GZF1: variants seen among roughly 807,000 people sequenced by gnomAD.
GZF1 encodes the protein GDNF-inducible zinc finger protein 1.
Under a neutral mutation model 49.4 loss-of-function variants are expected in GZF1, and 28 were observed. That is an observed-to-expected ratio of 0.57 (90% confidence interval 0.42 to 0.78). The LOEUF (loss-of-function observed/expected upper bound fraction) is 0.78, where lower values mean the gene tolerates loss of function less well. GZF1 is among the 30% of genes least tolerant of loss of function. GZF1 has a pLI of 0.00. For synonymous variants in GZF1, 364 were observed against 356.0 expected (o/e 1.02, Z -0.25); for missense variants, 798 against 916.2 (o/e 0.87, Z 1.67).
chr20:23,369,953 C>G, intron 5 of GZF1, 138 bp from the exon 6 acceptor site: 1 of 892,870 alleles, frequency 1.1e-6, no homozygotes, highest in Non-Finnish European at 1.7e-6. Context: ...GATGACTACT[C>G]TGTAACAGTG....
chr20:23,371,621 G>A lies in GZF1; in HGVS notation c.*1180G>A, dbSNP rs558603575. ...AAATTCACAATGAAAAGACGATTCT[G>A]CTGTATTTGTTAAACGTTGACATTT... On this transcript the variant is annotated 3_prime_UTR_variant, in exon 6 of 6. Transcript: ENST00000338121. The A allele has an allele frequency of 6.5e-6, 1 of 152,772 alleles. No homozygotes were observed. The highest frequency in any genetic ancestry group is 1.9e-4 in the East Asian group (1 of 5,190). The allele number at this position is 152,772 out of a possible 1,614,324, so 9.5% of individuals were successfully genotyped here.
chr20:23,361,372 G>T (rs967920992), upstream of GZF1, among the ~76,000 whole-genome samples: 1 of 152,262 alleles, frequency 6.6e-6, no homozygotes, highest in Non-Finnish European at 1.5e-5. Context: ...GAAACAGCAA[G>T]ATTTCGAGGA....
upstream of GZF1, among the ~76,000 whole-genome samples, chr20:23,361,336 TAG>T (rs1206341259): frequency 6.6e-6 from 1 of 152,172 alleles, no homozygotes; most frequent in Non-Finnish European, 1.5e-5. Context: ...AAGCGGGCTT[TAG>T]TTAGTATTGA....
chr20:23,367,965 C>T (rs1390330167), intron 3 of GZF1, among the ~76,000 whole-genome samples: 1 of 152,208 alleles, frequency 6.6e-6, no homozygotes, highest in Non-Finnish European at 1.5e-5. Flanking sequence ...GTCTCTGACT[C>T]ATTAGACACC....
In GZF1 at chr20:23,365,254, T is replaced by C. The variant is rs1981175422; in HGVS notation, c.871T>C (p.Leu291=). 3.7e-6 allele frequency: 6 copies of C among 1,604,186 alleles called. No individual in the cohort carries two copies. The highest frequency in any genetic ancestry group is 5.1e-6 in the Non-Finnish European group (6 of 1,174,952). The change falls in exon 2 of 6, where the codon TTG becomes CTG. Residue 291 remains leucine, a synonymous_variant. Coordinates refer to ENST00000338121, the MANE Select transcript of GZF1 (RefSeq NM_022482.5). ...CCAGGCAGGTGCTGAGTTGGAGGAA[T>C]TGTCAAAGAAAGCAGGGCCGGAGGA... ...GCQAGAELEE[L]SKKAGPEEEE...
rs1007611040 is a variant in GZF1 at position 23,372,381 on chromosome 20, TTTATTTCA to T, written c.*1942_*1949del. 7.9e-5 allele frequency: 12 copies of T among 152,204 alleles called. No homozygotes were observed. The highest frequency in any genetic ancestry group is 2.9e-4 in the African/African-American group (12 of 41,448). 9.4% of individuals were successfully genotyped at this position (152,204 alleles called of 1,614,324 possible). On this transcript the variant is annotated 3_prime_UTR_variant, in exon 6 of 6. Coordinates refer to ENST00000338121, the MANE Select transcript of GZF1 (RefSeq NM_022482.5). ...AATGTAAAATCCGGGTCCATAAGCC[TTTATTTCA>T]TACAGTCCTAGGATTAAGCTGTTTA...
Position 23,370,916 on chromosome 20 carries a change from A to G in GZF1, c.*475A>G, listed in dbSNP as rs572743292. 6.4e-6 allele frequency: 1 copy of G among 155,516 alleles called. No individual in the cohort carries two copies. Among genetic ancestry groups the G allele is most frequent in the East Asian group, 1.9e-4 (1 of 5,204 alleles). 9.6% of individuals were successfully genotyped at this position (155,516 alleles called of 1,614,324 possible). A position where few individuals can be genotyped will look rare whatever the true frequency, so the allele number is the denominator to read the frequency against. On this transcript the variant is annotated 3_prime_UTR_variant, in exon 6 of 6. Coordinates refer to ENST00000338121, the MANE Select transcript of GZF1 (RefSeq NM_022482.5). ...CAAGCTGAAATAAAACTGGGGCCAC[A>G]TATTTTCAGTCATTTCTTCCCTGTT...
chr20:23,367,224 A>G, intron 3 of GZF1, 127 bp downstream of exon 3: 1 of 654,854 alleles, frequency 1.5e-6, no homozygotes, highest in Non-Finnish European at 2.7e-6. Context: ...TTTTCCATCT[A>G]GTAAGTGAGC....
chr20:23,365,397 C>T lies in GZF1; in HGVS notation c.1014C>T (p.His338=), dbSNP rs1472950732. ...YEKSFLKHSK[H]RHGVATEVVY... ...AGAGCTTCCTGAAGCACAGCAAGCACCGCCACGGCGTGGCCACCGAGGTGG... is the reference window on the plus strand; with the variant it reads ...AGAGCTTCCTGAAGCACAGCAAGCATCGCCACGGCGTGGCCACCGAGGTGG... Residue 338 remains histidine (H), a synonymous_variant, in exon 2 of 6, where the codon CAC becomes CAT. Transcript: ENST00000338121. The T allele has an allele frequency of 6.2e-7, 1 of 1,613,820 alleles. No homozygotes were observed. The highest frequency in any genetic ancestry group is 8.5e-7 in the Non-Finnish European group (1 of 1,179,976).
In GZF1 at chr20:23,365,496, C is replaced by T; in HGVS notation, c.1113C>T (p.His371=). The change falls in exon 2 of 6, where the codon CAC becomes CAT. Residue 371 remains histidine, a synonymous_variant. Transcript: ENST00000338121. ...TGAAGAGCCACCAGCGCCACGTGCA[C>T]AGCAGCGAGCGCCATTTCCCATGCG... ...CNLKSHQRHV[H]SSERHFPCEL... The T allele has an allele frequency of 6.2e-7, 1 of 1,613,842 alleles. No individual in the cohort carries two copies. Among genetic ancestry groups the T allele is most frequent in the South Asian group, 1.1e-5 (1 of 91,080 alleles).
chr20:23,367,081 TA>T lies in GZF1; in HGVS notation c.1447del (p.Arg483GlyfsTer24). 1 of 1,608,910 alleles carries T rather than the reference TA, an allele frequency of 6.2e-7. No individual in the cohort carries two copies. On this transcript the variant is annotated frameshift_variant, in exon 3 of 6. Coordinates refer to ENST00000338121, the MANE Select transcript of GZF1 (RefSeq NM_022482.5). LOFTEE classifies it high-confidence loss of function. ...CTCAGAACCACATGCTGATTTATCA[TA>T]AAAGGTGTCACACAGGTAAATACTC... Reference protein sequence around the residue: ...FTQNHMLIYHKRCHTGERPFM... With the variant: ...FTQNHMLIYHXRCHTGERPFM...
At chr20:23,361,590 A>AGCGCC (rs1980664689), upstream of GZF1, among the ~76,000 whole-genome samples, 1 of 151,018 alleles carries the variant, frequency 6.6e-6, no homozygotes, top group South Asian at 2.1e-4. Flanking sequence ...CCCAGAGGAG[A>AGCGCC]GCGCCGCGCC....
chr20:23,365,984 C>T (rs554169121), intron 2 of GZF1, among the ~76,000 whole-genome samples: 95 of 152,354 alleles, frequency 6.2e-4, no homozygotes, highest in African/African-American at 2.1e-3. Context: ...CTGGTGGGAC[C>T]GCGACAGCGG....
rs1226785914 is a variant in GZF1 at position 23,364,647 on chromosome 20, T to C, written c.264T>C (p.Ala88=). The part of the protein sequence containing the change: ...YLNEVQVADF[A]SFLEFVYTAK... ...ATGAAGTGCAGGTTGCTGACTTTGC[T>C]TCATTTCTTGAGTTTGTCTACACTG... is the stretch of plus-strand genomic sequence containing the variant. Residue 88 remains alanine, a synonymous_variant, in exon 2 of 6, where the codon GCT becomes GCC. Transcript: ENST00000338121. The C allele has an allele frequency of 1.9e-6, 3 of 1,614,150 alleles. No individual in the cohort carries two copies. The highest frequency in any genetic ancestry group is 1.7e-5 in the Admixed American group (1 of 60,014).
At position 23,364,354 on chromosome 20, in the gene GZF1, T is replaced by C. The variant is rs775150641; in HGVS notation, c.-21-9T>C. 1.3e-6 allele frequency: 2 copies of C among 1,502,572 alleles called. No individual in the cohort carries two copies. Among genetic ancestry groups the C allele is most frequent in the East Asian group, 4.5e-5 (2 of 44,094 alleles). 93.1% of individuals were successfully genotyped at this position (1,502,572 alleles called of 1,614,324 possible). A position where few individuals can be genotyped will look rare whatever the true frequency, so the allele number is the denominator to read the frequency against. On this transcript the variant is annotated splice_polypyrimidine_tract_variant and intron_variant, in intron 1 of 5. Transcript: ENST00000338121. Reference sequence around the variant, plus strand: ...TTGCTCATGCATAATTCTTGTTTCTTTTTCAAAGCTGTTTTTGGAAGGAAG... The same window carrying C: ...TTGCTCATGCATAATTCTTGTTTCTCTTTCAAAGCTGTTTTTGGAAGGAAG...
At chr20:23,367,259 G>A (rs147546118) in intron 3 of GZF1, among the ~76,000 whole-genome samples, 162 bp downstream of exon 3, 1 of 152,186 alleles carries the variant, frequency 6.6e-6, no homozygotes, top group Non-Finnish European at 1.5e-5. Flanking sequence ...TACACCCATT[G>A]CCTTGTTGCT....
Position 23,365,855 on chromosome 20 carries a change from C to T in GZF1, c.1364+108C>T, listed in dbSNP as rs6083091. 45,135 of 1,406,016 alleles carry T rather than the reference C, an allele frequency of 0.032. 2,549 individuals are homozygous for T. Among genetic ancestry groups the T allele is most frequent in the African/African-American group, 0.23 (15,455 of 68,496 alleles). The allele number at this position is 1,406,016 out of a possible 1,614,324, so 87.1% of individuals were successfully genotyped here. A position where few individuals can be genotyped will look rare whatever the true frequency, so the allele number is the denominator to read the frequency against. On this transcript the variant is annotated intron_variant, in intron 2 of 5. Coordinates refer to ENST00000338121, the MANE Select transcript of GZF1 (RefSeq NM_022482.5). The stretch of plus-strand genomic sequence containing the variant: ...CACTGCTTAATTTCTCCGCTCCAAA[C>T]CTGGGGGCTTATTTCGAGACAGCGT...
At chr20:23,365,924 C>A (rs1268296136) in intron 2 of GZF1, among the ~76,000 whole-genome samples, 177 bp downstream of exon 2, 1 of 152,244 alleles carries the variant, frequency 6.6e-6, no homozygotes, top group Admixed American at 6.5e-5. Flanking sequence ...GATGGCTCTG[C>A]TCCCTTGTTC....
rs144872945 is a variant in GZF1 at position 23,369,653 on chromosome 20, G to A, written c.1697G>A (p.Arg566His). ...FTQLNALQRH[R>H]RIHTGERPFM... ...CAGCTCAACGCCCTCCAGCGCCACC[G>A]CCGCATCCACACAGGGGAGAGGCCA... The change falls in exon 5 of 6, where the codon CGC becomes CAC. Residue 566 changes from arginine (R) to histidine (H), a missense_variant. This residue lies in a region of GZF1 where 446 missense variants were observed against 540.1 expected (regional missense o/e 0.83). Transcript: ENST00000338121. 934 of 1,613,114 alleles carry A rather than the reference G, an allele frequency of 5.8e-4. 3 individuals are homozygous for A. The Middle Eastern group carries it at 7.6e-3, about 13-fold the overall frequency.
Sources: gnomAD v4.1 joint callset for allele counts (sites outside exome capture counted in the v4.1 genomes callset) on GRCh38, gnomAD v4.1.1 for gene constraint, gnomAD v4.1.1 regional missense constraint, MANE v1.5 for transcripts, NCBI Gene and HGNC (gene_info 2026-07-23, HGNC 2026-07-21) for gene names.